Variants in NUP85 observed in about 807,000 individuals in gnomAD.
The protein encoded by NUP85 is nuclear pore complex protein Nup85.
Under a neutral mutation model 92.8 loss-of-function variants are expected in NUP85, and 23 were observed. The ratio of observed to expected loss-of-function variants is 0.25; its 90% CI spans 0.18 to 0.35. The LOEUF (loss-of-function observed/expected upper bound fraction) is 0.35, where lower values mean the gene tolerates loss of function less well. Ranked by LOEUF, NUP85 falls within the 10% of genes least tolerant of loss-of-function variation. The pLI is 1.00. For missense variants in NUP85, 759 were observed against 822.8 expected (o/e 0.92, Z 0.95); for synonymous variants, 314 against 306.9 (o/e 1.02, Z -0.24).
chr17:75,205,907 C>T (rs962043546), intron 1 of NUP85, 113 bp downstream of exon 1: 14 of 1,248,470 alleles, frequency 1.1e-5, no homozygotes, highest in Non-Finnish European at 1.6e-5. Context: ...GTCCCCTTCC[C>T]TCGACTCAGT....
In NUP85 at chr17:75,231,164, G is replaced by C. The variant is rs918079202; in HGVS notation, c.1095-176G>C. On this transcript the variant is annotated intron_variant, in intron 11 of 18. Transcript: ENST00000245544. This position sits in a 1 kb window ranked among gnomAD's most constrained non-coding sequence, Gnocchi z 4.6. ...GGCTGGTCTTAAATTCCTGGACTCA[G>C]GTGATCTGCCTGCCTTGGCCTCCCA... is the stretch of plus-strand genomic sequence containing the variant. 1.5e-6 allele frequency: 1 copy of C among 645,294 alleles called. No homozygotes were observed. Among genetic ancestry groups the C allele is most frequent in the Admixed American group, 2.5e-5 (1 of 39,318 alleles). 40.0% of individuals were successfully genotyped at this position (645,294 alleles called of 1,614,324 possible). A position where few individuals can be genotyped will look rare whatever the true frequency, so the allele number is the denominator to read the frequency against.
intron 6 of NUP85, among the ~76,000 whole-genome samples, chr17:75,217,655 C>T (rs11655718): frequency 3.3e-5 from 5 of 152,170 alleles, no homozygotes; most frequent in South Asian, 2.1e-4. Flanking sequence ...TACAGGCATG[C>T]GCCACCACGC....
chr17:75,221,165 C>T (rs537161858), intron 7 of NUP85, among the ~76,000 whole-genome samples: 2 of 152,024 alleles, frequency 1.3e-5, no homozygotes, highest in Admixed American at 1.3e-4. Context: ...CAGGCGTGAG[C>T]CGCCACGCCC....
At chr17:75,235,543 G>A (rs4788874) in intron 18 of NUP85, 35 bp from the exon 19 acceptor site, 121,708 of 1,522,354 alleles carry the variant, frequency 0.08, 5,506 homozygotes, top group Non-Finnish European at 0.093. Flanking sequence ...GCTCCTTCCT[G>A]CTCTTAGCTC....
At chr17:75,224,051 G>A (rs2075682683) in intron 7 of NUP85, among the ~76,000 whole-genome samples, 4 of 151,572 alleles carry the variant, frequency 2.6e-5, no homozygotes, top group Admixed American at 2.6e-4. Flanking sequence ...ATTTTGTTTT[G>A]TTTTGTTTTT....
At position 75,232,917 on chromosome 17, in the gene NUP85, C is replaced by T. The variant is rs762980962; in HGVS notation, c.1463C>T (p.Ser488Phe). The T allele has an allele frequency of 6.2e-7, 1 of 1,614,252 alleles. No individual in the cohort carries two copies. The highest frequency in any genetic ancestry group is 2.2e-5 in the East Asian group (1 of 44,890). The change falls in exon 15 of 19, where the codon TCT (serine) becomes TTT (phenylalanine). Residue 488 changes from serine (S) to phenylalanine (F), a missense_variant. Physicochemically the swap from Ser to Phe is radical, Grantham distance 155 (BLOSUM62 -2). Transcript: ENST00000245544. ...VRNNRLGSAL[S>F]WSIRAKDAAF... is the part of the protein sequence containing the mutation. The stretch of plus-strand genomic sequence containing the variant: ...AACAATCGCCTGGGTTCTGCCCTCT[C>T]TTGGAGCATCCGTGCTAAGGATGCC...
chr17:75,208,004 C>T (rs761716768), intron 1 of NUP85, among the ~76,000 whole-genome samples: 1 of 151,946 alleles, frequency 6.6e-6, no homozygotes, highest in Non-Finnish European at 1.5e-5. Context: ...AGATGATCTG[C>T]CCGCCTTAGC....
intron 4 of NUP85, among the ~76,000 whole-genome samples, chr17:75,212,280 T>C (rs2075299218): frequency 9.9e-6 from 1 of 101,522 alleles, no homozygotes; most frequent in Non-Finnish European, 2.0e-5. Context: ...TTTTTTTTTT[T>C]TTTTTTGAGA....
intron 11 of NUP85, chr17:75,228,304 A>G: frequency 2.0e-6 from 2 of 985,428 alleles, no homozygotes; most frequent in Non-Finnish European, 2.4e-6. Context: ...CGTGCCGGAC[A>G]CAGACAAGGA....
chr17:75,205,878 T>C lies in NUP85; in HGVS notation c.33+84T>C, dbSNP rs999944975. The C allele has an allele frequency of 4.6e-6, 7 of 1,507,364 alleles. No homozygotes were observed. In the Admixed American group the frequency reaches 1.0e-4, roughly 22 times the overall value. 93.4% of individuals were successfully genotyped at this position (1,507,364 alleles called of 1,614,324 possible). A position where few individuals can be genotyped will look rare whatever the true frequency, so the allele number is the denominator to read the frequency against. ...GTTACTTCAGGCTTGTCTGCTTCCC[T>C]AGTGGTCGCGAGGCGCTCGTCCCCT... On this transcript the variant is annotated intron_variant, in intron 1 of 18. Transcript: ENST00000245544.
chr17:75,215,383 T>C (rs1485599082), intron 5 of NUP85, among the ~76,000 whole-genome samples: 1 of 152,124 alleles, frequency 6.6e-6, no homozygotes, highest in Non-Finnish European at 1.5e-5. Flanking sequence ...CCAATTTTTA[T>C]ATTTTTTGTT....
chr17:75,231,873 G>T lies in NUP85; in HGVS notation c.1290G>T (p.Leu430=), dbSNP rs559889699. The T allele has an allele frequency of 1.4e-4, 234 of 1,614,210 alleles. 6 individuals carry two copies. In the South Asian group the frequency reaches 2.4e-3, roughly 17 times the overall value. Residue 430 remains leucine (L), a synonymous_variant, in exon 14 of 19, where the codon CTG becomes CTT. Coordinates refer to ENST00000245544, the MANE Select transcript of NUP85 (RefSeq NM_024844.5). The surrounding 1 kb of genome is among the most constrained non-coding windows in gnomAD (Gnocchi z 4.6). ...ATTACTTTGATTACTGCCCCGAGCT[G>T]GGCCGAGTCTCCCTGGAGCTGCACA... ...GVDYFDYCPE[L]GRVSLELHIE...
Position 75,232,854 on chromosome 17 carries a change from G to A in NUP85, c.1400G>A (p.Arg467His), listed in dbSNP as rs776306989. The A allele has an allele frequency of 1.1e-5, 18 of 1,613,806 alleles. No homozygotes were observed. The highest frequency in any genetic ancestry group is 1.6e-4 in the Middle Eastern group (1 of 6,082). The change falls in exon 15 of 19, where the codon CGC becomes CAC. Residue 467 changes from arginine (R) to histidine (H), a missense_variant. Arg to His is a conservative substitution (Grantham distance 29). Transcript: ENST00000245544. ...CEQRQMTEQVRSICKILAMKA... is the reference protein window; with the variant it reads ...CEQRQMTEQVHSICKILAMKA... ...CCTTTTCTTTTCCCCTGCAAAGTTC[G>A]CAGCATTTGTAAGATCTTAGCCATG...
At chr17:75,211,853 C>T (rs1464879374) in intron 3 of NUP85, 139 bp from the exon 4 acceptor site, 3 of 648,996 alleles carry the variant, frequency 4.6e-6, no homozygotes, top group Non-Finnish European at 8.1e-6. Context: ...GTTGTTCCAG[C>T]TTCAGAAGGT....
chr17:75,223,461 C>T (rs1389770739), intron 7 of NUP85, among the ~76,000 whole-genome samples: 1 of 152,212 alleles, frequency 6.6e-6, no homozygotes, highest in Non-Finnish European at 1.5e-5. Context: ...GATCTTGGCT[C>T]ACTGCAACCT....
intron 7 of NUP85, among the ~76,000 whole-genome samples, chr17:75,222,041 T>TTTTG (rs3047550): frequency 5.3e-5 from 8 of 151,022 alleles, no homozygotes; most frequent in African/African-American, 9.7e-5. Context: ...GTGTGTTTTG[T>TTTTG]TTTGTTTGTT....
At chr17:75,212,938 A>G in intron 4 of NUP85, 138 bp from the exon 5 acceptor site, 1 of 859,162 alleles carries the variant, frequency 1.2e-6, no homozygotes, top group Middle Eastern at 2.6e-4. Flanking sequence ...AAAATCCATA[A>G]TTAAAAGAGA....
rs148520579 is a variant in NUP85 at position 75,232,889 on chromosome 17, C to T, written c.1435C>T (p.Arg479Cys). ...TAAGATCTTAGCCATGAAAGCCGTC[C>T]GCAACAATCGCCTGGGTTCTGCCCT... ...ICKILAMKAV[R>C]NNRLGSALSW... The change falls in exon 15 of 19, where the codon CGC becomes TGC. Residue 479 changes from arginine (R) to cysteine (C), a missense_variant. By Grantham distance (180) the Arg-to-Cys change is radical. Coordinates refer to ENST00000245544, the MANE Select transcript of NUP85 (RefSeq NM_024844.5). 3.5e-5 allele frequency: 56 copies of T among 1,614,084 alleles called. No individual in the cohort carries two copies. Among genetic ancestry groups the T allele is most frequent in the Admixed American group, 8.3e-5 (5 of 60,000 alleles).
chr17:75,215,228 AT>A (rs2075394204), intron 5 of NUP85, among the ~76,000 whole-genome samples: 2 of 152,234 alleles, frequency 1.3e-5, no homozygotes, highest in African/African-American at 4.8e-5. Flanking sequence ...CTTTTTTTAA[AT>A]TTTGAGACAA....
Sources: allele counts gnomAD v4.1 joint callset (sites outside exome capture counted in the v4.1 genomes callset), GRCh38; gene constraint gnomAD v4.1.1; non-coding constraint Gnocchi (gnomAD v3.1); transcripts MANE v1.5; gene names NCBI Gene and HGNC (gene_info 2026-07-23, HGNC 2026-07-21).